DENND2B: variants seen among roughly 807,000 people sequenced by gnomAD.
The protein encoded by DENND2B is DENN domain-containing protein 2B.
In DENND2B, 32 loss-of-function variants were observed where a neutral mutation model predicts 116.0. The observed-to-expected ratio is 0.28, with a 90% CI of 0.21 to 0.37. The LOEUF is 0.37. DENND2B is among the 10% of genes least tolerant of loss of function. The pLI is 1.00. For missense variants in DENND2B, 1,276 were observed against 1,477.7 expected, an observed-to-expected ratio of 0.86 and a Z score of 2.24; for synonymous variants, 588 against 583.9, an observed-to-expected ratio of 1.01 and a Z score of -0.10.
chr11:8,780,295 G>A (rs2058250216), intron 1 of DENND2B, among the ~76,000 whole-genome samples: 1 of 152,280 alleles, frequency 6.6e-6, no homozygotes, highest in Non-Finnish European at 1.5e-5. Context: ...ATAAATACCA[G>A]GAAGACTATT....
At chr11:8,878,155 C>T (rs2063864233) in intron 2 of DENND2B, among the ~76,000 whole-genome samples, 1 of 152,212 alleles carries the variant, frequency 6.6e-6, no homozygotes, top group African/African-American at 2.4e-5. Context: ...AGAACAGTGA[C>T]TGGTCCTCAT....
intron 4 of DENND2B, among the ~76,000 whole-genome samples, chr11:8,722,959 T>TGTTTC (rs1207526584): frequency 6.6e-6 from 1 of 152,162 alleles, no homozygotes; most frequent in Non-Finnish European, 1.5e-5. Flanking sequence ...CGCTGACCCC[T>TGTTTC]AGCTGTACTC....
At chr11:8,812,498 T>A (rs1014211822), upstream of DENND2B, among the ~76,000 whole-genome samples, 4 of 152,290 alleles carry the variant, frequency 2.6e-5, no homozygotes, top group Non-Finnish European at 5.9e-5. Flanking sequence ...TTTTTTTTTT[T>A]AATTCTACAA....
chr11:8,730,552 C>G lies in DENND2B; in HGVS notation c.738G>C (p.Ala246=), dbSNP rs751830948. The G allele has an allele frequency of 1.9e-6, 3 of 1,613,190 alleles. No homozygotes were observed. Among genetic ancestry groups the G allele is most frequent in the Non-Finnish European group, 1.7e-6 (2 of 1,180,018 alleles). ...GGTAGAAAGAGTCCCGGACAGGGAG[C>G]GCCTCTCCCTCCTCCTCAGTCTCTG... The part of the protein sequence containing the change: ...SYPETEEEGE[A]LPVRDSFYRL... Residue 246 remains alanine, a synonymous_variant, in exon 3 of 20, where the codon GCG becomes GCC. Transcript: ENST00000313726. This position sits in a 1 kb window ranked among gnomAD's most constrained non-coding sequence, Gnocchi z 4.1.
intron 4 of DENND2B, among the ~76,000 whole-genome samples, chr11:8,821,227 A>G (rs2061751059): frequency 6.6e-6 from 1 of 151,794 alleles, no homozygotes; most frequent in African/African-American, 2.4e-5. Context: ...TTCTAAGGAG[A>G]AAAGAGGGTG....
intron 1 of DENND2B, among the ~76,000 whole-genome samples, chr11:8,799,559 CT>C (rs1565975484): frequency 1.7e-5 from 2 of 115,734 alleles, no homozygotes; most frequent in Non-Finnish European, 3.5e-5. Flanking sequence ...CCTCCTTTTT[CT>C]CTTTTTTTTT....
intron 1 of DENND2B, among the ~76,000 whole-genome samples, chr11:8,882,223 G>A (rs1438472599): frequency 1.3e-5 from 2 of 152,130 alleles, no homozygotes; most frequent in Non-Finnish European, 2.9e-5. Context: ...GGCATCCTAT[G>A]CTCCAATCTC....
At chr11:8,774,188 T>A in intron 1 of DENND2B, 1 of 985,446 alleles carries the variant, frequency 1.0e-6, no homozygotes, top group Non-Finnish European at 1.2e-6. Flanking sequence ...TCACGTTGGG[T>A]TCTTGACAAC....
At chr11:8,738,978 C>T (rs2049655376) in intron 2 of DENND2B, among the ~76,000 whole-genome samples, 1 of 152,206 alleles carries the variant, frequency 6.6e-6, no homozygotes, top group East Asian at 1.9e-4. Context: ...CACTGCATTG[C>T]ACCAGACTGT....
chr11:8,866,450 A>C (rs2063583887), intron 2 of DENND2B, among the ~76,000 whole-genome samples: 1 of 152,212 alleles, frequency 6.6e-6, no homozygotes, highest in Non-Finnish European at 1.5e-5. Flanking sequence ...CCAACTCTCA[A>C]AACTAGGTTC....
intron 4 of DENND2B, 68 bp from the exon 5 acceptor site, chr11:8,717,960 C>G: frequency 1.3e-6 from 2 of 1,543,442 alleles, no homozygotes; most frequent in Non-Finnish European, 1.8e-6. Context: ...CACACACACA[C>G]AAATAAACAA....
chr11:8,902,317 C>T (rs2064180522), intron 1 of DENND2B, among the ~76,000 whole-genome samples: 1 of 116,404 alleles, frequency 8.6e-6, no homozygotes, highest in Non-Finnish European at 2.0e-5. Flanking sequence ...CAGAGTGAGA[C>T]TCCATCTCAA....
intron 4 of DENND2B, among the ~76,000 whole-genome samples, chr11:8,835,919 C>T (rs1444032386): frequency 6.6e-6 from 1 of 152,100 alleles, no homozygotes; most frequent in Non-Finnish European, 1.5e-5. Context: ...TGGCTGAGTA[C>T]CGATCTATCT....
chr11:8,867,326 G>A (rs1239918387), intron 2 of DENND2B, among the ~76,000 whole-genome samples: 1 of 152,096 alleles, frequency 6.6e-6, no homozygotes, highest in Non-Finnish European at 1.5e-5. Flanking sequence ...AGCTCCATAA[G>A]CTGTATACAT....
intron 17 of DENND2B, 33 bp from the exon 18 acceptor site, chr11:8,696,699 G>C (rs1389289496): frequency 1.9e-6 from 3 of 1,607,468 alleles, no homozygotes; most frequent in Non-Finnish European, 2.6e-6. Context: ...TGAGGTTCAG[G>C]TCAAGAGCCT....
chr11:8,874,434 C>T (rs867728916), upstream of DENND2B, among the ~76,000 whole-genome samples: 24 of 152,152 alleles, frequency 1.6e-4, no homozygotes, highest in African/African-American at 5.8e-4. Flanking sequence ...TATTTTAAAT[C>T]CTGCACTTAA....
At chr11:8,695,350 T>A in intron 19 of DENND2B, 113 bp downstream of exon 19, 1 of 996,590 alleles carries the variant, frequency 1.0e-6, no homozygotes, top group Non-Finnish European at 1.6e-6. Context: ...CTGTTCTGTC[T>A]ACAGCCCCAG....
At chr11:8,824,406 G>A (rs780042883) in intron 4 of DENND2B, among the ~76,000 whole-genome samples, 9 of 152,064 alleles carry the variant, frequency 5.9e-5, no homozygotes, top group Non-Finnish European at 8.8e-5. Context: ...ATGTGTCCAT[G>A]TGTACTCAAT....
chr11:8,727,456 T>C (rs2047265946), intron 3 of DENND2B, among the ~76,000 whole-genome samples: 1 of 152,216 alleles, frequency 6.6e-6, no homozygotes, highest in African/African-American at 2.4e-5. Context: ...ACTAACTCTC[T>C]GGCCACTACT....
Sources: allele counts gnomAD v4.1 joint callset (sites outside exome capture counted in the v4.1 genomes callset), GRCh38; gene constraint gnomAD v4.1.1; non-coding constraint Gnocchi (gnomAD v3.1); transcripts MANE v1.5; gene names NCBI Gene and HGNC (gene_info 2026-07-23, HGNC 2026-07-21).